Variants in HM13 observed in about 807,000 individuals in gnomAD.
HM13 encodes signal peptide peptidase.
HM13 carries 18 observed loss-of-function variants against 50.0 expected under a neutral mutation model. The ratio of observed to expected loss-of-function variants is 0.36; its 90% confidence interval spans 0.25 to 0.53. The LOEUF is 0.53. Among genes scored for constraint, HM13 ranks in the 20% least tolerant of loss-of-function variants. The pLI is 0.90. For missense variants in HM13, 393 were observed against 552.4 expected, an observed-to-expected ratio of 0.71 and a Z score of 2.89; for synonymous variants, 197 against 232.6, an observed-to-expected ratio of 0.85 and a Z score of 1.39.
At chr20:31,550,468 C>T (rs901772988) in intron 7 of HM13, 3 of 253,776 alleles carry the variant, frequency 1.2e-5, no homozygotes, top group African/African-American at 2.2e-5. Flanking sequence ...CCCCTTGGCA[C>T]CTGAGTGTCG....
chr20:31,559,422 G>A (rs137860857), intron 8 of HM13, among the ~76,000 whole-genome samples, 189 bp from the exon 9 acceptor site: 2,112 of 152,236 alleles, frequency 0.014, 11 homozygotes, highest in Non-Finnish European at 0.022. Context: ...GCAAAATCCT[G>A]GGCCCCTCTC....
At chr20:31,543,500 G>A (rs927407986) in intron 3 of HM13, among the ~76,000 whole-genome samples, 5 of 151,778 alleles carry the variant, frequency 3.3e-5, no homozygotes, top group African/African-American at 1.2e-4. Context: ...TGTTGGCCAG[G>A]CTGGTCTCGA....
intron 11 of HM13, among the ~76,000 whole-genome samples, chr20:31,567,189 T>C (rs1984972497): frequency 6.6e-6 from 1 of 152,150 alleles, no homozygotes; most frequent in African/African-American, 2.4e-5. Flanking sequence ...CTGAGGCAAG[T>C]GGGGGCTAGG....
intron 2 of HM13, among the ~76,000 whole-genome samples, chr20:31,533,088 T>A (rs1982908605): frequency 6.6e-6 from 1 of 152,214 alleles, no homozygotes; most frequent in Admixed American, 6.5e-5. Context: ...GCCTCCCCCC[T>A]GACATCTGGC....
chr20:31,530,819 A>G (rs1396668673), intron 2 of HM13, among the ~76,000 whole-genome samples: 2 of 152,158 alleles, frequency 1.3e-5, no homozygotes, highest in Non-Finnish European at 2.9e-5. Flanking sequence ...TGAACACTTC[A>G]TACACATAAT....
intron 8 of HM13, among the ~76,000 whole-genome samples, chr20:31,558,841 A>G (rs529415560): frequency 2.2e-4 from 33 of 152,296 alleles, no homozygotes; most frequent in African/African-American, 7.9e-4. Context: ...CTCCTGCCTC[A>G]GCCTCCCGAG....
intron 1 of HM13, among the ~76,000 whole-genome samples, chr20:31,522,086 T>C (rs1214523173): frequency 1.3e-5 from 2 of 152,078 alleles, no homozygotes; most frequent in African/African-American, 4.8e-5. Context: ...GGTTTGTCAC[T>C]GAATAAGATT....
At chr20:31,523,045 G>GC (rs1255602954) in intron 1 of HM13, among the ~76,000 whole-genome samples, 2 of 149,378 alleles carry the variant, frequency 1.3e-5, no homozygotes, top group Non-Finnish European at 3.0e-5. Flanking sequence ...GTTTTTTTTG[G>GC]GAGGGGGGCT....
intron 2 of HM13, among the ~76,000 whole-genome samples, chr20:31,529,782 C>T (rs1439098903): frequency 1.3e-5 from 2 of 151,976 alleles, no homozygotes; most frequent in African/African-American, 2.4e-5. Context: ...TCCTGGCCAA[C>T]GTGGTGAAAC....
intron 2 of HM13, among the ~76,000 whole-genome samples, chr20:31,536,681 T>A (rs997411326): frequency 5.3e-5 from 8 of 152,152 alleles, no homozygotes; most frequent in African/African-American, 1.9e-4. Flanking sequence ...CCCTTAGCTC[T>A]GGGCTCACAG....
intron 2 of HM13, among the ~76,000 whole-genome samples, chr20:31,536,066 C>T (rs190756195): frequency 1.9e-4 from 29 of 152,204 alleles, no homozygotes; most frequent in African/African-American, 7.0e-4. Context: ...GCTCCAATTC[C>T]AGAACGGATC....
At chr20:31,560,730 G>A (rs1984554757) in intron 9 of HM13, among the ~76,000 whole-genome samples, 1 of 152,250 alleles carries the variant, frequency 6.6e-6, no homozygotes, top group Admixed American at 6.5e-5. Flanking sequence ...CACAGCATAA[G>A]CAGCTCCTCA....
chr20:31,567,100 C>T (rs889141726), intron 11 of HM13, among the ~76,000 whole-genome samples: 1 of 152,172 alleles, frequency 6.6e-6, no homozygotes, highest in African/African-American at 2.4e-5. Flanking sequence ...GGACCTGCCT[C>T]TGCCCTCCCT....
At chr20:31,520,091 A>G (rs942804983) in intron 1 of HM13, among the ~76,000 whole-genome samples, 26 of 151,824 alleles carry the variant, frequency 1.7e-4, no homozygotes, top group Non-Finnish European at 7.4e-5. Context: ...TCCTGACCTC[A>G]GGTGATCTGC....
intron 6 of HM13, 35 bp from the exon 7 acceptor site, chr20:31,550,029 C>T (rs759048767): frequency 1.3e-6 from 2 of 1,547,706 alleles, no homozygotes; most frequent in East Asian, 2.2e-5. Flanking sequence ...CAGCCCCTCA[C>T]TTCCCTTCAT....
chr20:31,545,032 G>A lies in HM13; in HGVS notation c.451G>A (p.Glu151Lys), dbSNP rs1325124746. Residue 151 changes from glutamate to lysine, a missense_variant, in exon 4 of 13, where the codon GAA becomes AAA. This residue lies in a region of HM13 where 214 missense variants were observed against 276.1 expected (regional missense o/e 0.77). Transcript: ENST00000398174. ...CACACAGGGTTCTGGGGAAAACAAG[G>A]AAGGTCAGTGCTAACCACTTTCCCC... ...LFTQGSGENK[E>K]EIINYEFDTK... 3 of 1,613,376 alleles carry A rather than the reference G, an allele frequency of 1.9e-6. No individual in the cohort carries two copies. The Admixed American group carries it at 5.0e-5, about 27-fold the overall frequency.
At chr20:31,529,349 G>A (rs73612002) in intron 2 of HM13, among the ~76,000 whole-genome samples, 14,089 of 151,956 alleles carry the variant, frequency 0.093, 777 homozygotes, top group East Asian at 0.28. Context: ...GGGCTCAAGC[G>A]ATCCTCCCAC....
chr20:31,538,109 C>G (rs1983218908), intron 2 of HM13, 70 bp from the exon 3 acceptor site: 1 of 1,582,972 alleles, frequency 6.3e-7, no homozygotes, highest in Admixed American at 1.7e-5. Context: ...AGAAGAGACG[C>G]AGGGACTCTG....
At chr20:31,566,707 T>C (rs778016010) in intron 11 of HM13, among the ~76,000 whole-genome samples, 15 of 152,036 alleles carry the variant, frequency 9.9e-5, no homozygotes, top group Non-Finnish European at 1.5e-4. Context: ...CCTAGTGTGG[T>C]AGAAAGTGCC....
Sources: allele counts gnomAD v4.1 joint callset (sites outside exome capture counted in the v4.1 genomes callset), GRCh38; gene constraint gnomAD v4.1.1; regional missense constraint gnomAD v4.1.1; transcripts MANE v1.5; gene names NCBI Gene and HGNC (gene_info 2026-07-23, HGNC 2026-07-21).